Variants in GOLGA5 observed in about 807,000 individuals in gnomAD.
GOLGA5 encodes golgin A5, also known as golgin subfamily A member 5.
In GOLGA5, 50 loss-of-function variants were observed where a neutral mutation model predicts 93.5. The ratio of observed to expected loss-of-function variants is 0.53; its 90% CI spans 0.43 to 0.68. The LOEUF is 0.68. Ranked by LOEUF, GOLGA5 falls within the 30% of genes least tolerant of loss-of-function variation. The pLI is 0.00. For missense variants in GOLGA5, 760 were observed against 856.4 expected (o/e 0.89, Z 1.40); for synonymous variants, 312 against 304.5 (o/e 1.02, Z -0.26).
Position 92,808,104 on chromosome 14 carries a change from C to T in GOLGA5, c.772+1141C>T, listed in dbSNP as rs549797468. 2.3e-3 allele frequency among the ~76,000 whole-genome samples: 345 copies of T among 152,190 alleles called. 1 individual carries two copies. Among genetic ancestry groups the T allele is most frequent in the African/African-American group, 8.1e-3 (337 of 41,512 alleles). ...AAAAAATTAGCTGGGCATGGTGGCGCGTGCCTGTTATTCCAGCTACTCAGG... is the reference window on the plus strand; with the variant it reads ...AAAAAATTAGCTGGGCATGGTGGCGTGTGCCTGTTATTCCAGCTACTCAGG... On this transcript the variant is annotated intron_variant, in intron 3 of 12. Coordinates refer to ENST00000163416, the MANE Select transcript of GOLGA5 (RefSeq NM_005113.4).
chr14:92,811,224 C>T (rs1224558323), intron 5 of GOLGA5, among the ~76,000 whole-genome samples: 1 of 152,146 alleles, frequency 6.6e-6, no homozygotes, highest in Non-Finnish European at 1.5e-5. Flanking sequence ...GACCTAGTAT[C>T]CAAGTGACCA....
At chr14:92,802,732 A>G (rs1291851161) in intron 2 of GOLGA5, among the ~76,000 whole-genome samples, 3 of 130,620 alleles carry the variant, frequency 2.3e-5, no homozygotes, top group Non-Finnish European at 5.1e-5. Context: ...AAATCAATTT[A>G]TTTATTTTTA....
intron 11 of GOLGA5, among the ~76,000 whole-genome samples, chr14:92,835,955 TA>T (rs899689552): frequency 6.6e-5 from 10 of 152,136 alleles, no homozygotes; most frequent in African/African-American, 2.2e-4. Context: ...CTTTTTTCTA[TA>T]ATAAATTCTA....
At chr14:92,821,233 T>C (rs1453028320) in intron 8 of GOLGA5, among the ~76,000 whole-genome samples, 5 of 152,210 alleles carry the variant, frequency 3.3e-5, no homozygotes, top group Admixed American at 6.5e-5. Flanking sequence ...GTAAATATTA[T>C]TTAATAAAAA....
intron 10 of GOLGA5, among the ~76,000 whole-genome samples, chr14:92,833,775 T>G (rs1275136064): frequency 6.6e-6 from 1 of 152,158 alleles, no homozygotes; most frequent in African/African-American, 2.4e-5. Flanking sequence ...AATTAAAAAA[T>G]AATGTGTAAG....
intron 11 of GOLGA5, 67 bp from the exon 12 acceptor site, chr14:92,837,319 C>A: frequency 2.6e-6 from 2 of 775,800 alleles, no homozygotes; most frequent in Non-Finnish European, 4.4e-6. Flanking sequence ...TAGATATTAC[C>A]ACAGGAAGAT....
In GOLGA5 at chr14:92,837,427, G is replaced by A. The variant is rs749987297; in HGVS notation, c.2093G>A (p.Arg698Gln). 27 of 1,516,874 alleles carry A rather than the reference G, an allele frequency of 1.8e-5. No homozygotes were observed. The highest frequency in any genetic ancestry group is 1.5e-4 in the Admixed American group (9 of 59,640). 94.0% of individuals were successfully genotyped at this position (1,516,874 alleles called of 1,614,324 possible). A position where few individuals can be genotyped will look rare whatever the true frequency, so the allele number is the denominator to read the frequency against. The part of the protein sequence containing the change: ...GIFLRRYPIA[R>Q]VFVIIYMALL... ...TTTCTCCGAAGATACCCCATAGCGC[G>A]AGTTTTTGTAATTATATATATGGTA... Residue 698 changes from arginine to glutamine, a missense_variant, in exon 12 of 13, where the codon CGA (arginine) becomes CAA (glutamine). Transcript: ENST00000163416.
chr14:92,834,861 G>A (rs965379946), intron 10 of GOLGA5, among the ~76,000 whole-genome samples: 5 of 152,222 alleles, frequency 3.3e-5, no homozygotes, highest in Non-Finnish European at 7.3e-5. Context: ...AGGTGGGTGG[G>A]TAGCCATTGC....
intron 7 of GOLGA5, among the ~76,000 whole-genome samples, chr14:92,816,997 G>A (rs1248987469): frequency 2.0e-5 from 3 of 150,748 alleles, no homozygotes; most frequent in Non-Finnish European, 4.4e-5. Context: ...GTGCAGTGGC[G>A]TGATCTCGGC....
chr14:92,827,140 A>C (rs1423330973), intron 9 of GOLGA5, among the ~76,000 whole-genome samples: 2 of 152,196 alleles, frequency 1.3e-5, no homozygotes, highest in Non-Finnish European at 2.9e-5. Context: ...TAGGTAAAAG[A>C]CTTGAATAGA....
chr14:92,800,175 A>G (rs538117040), intron 2 of GOLGA5, among the ~76,000 whole-genome samples: 2 of 152,362 alleles, frequency 1.3e-5, no homozygotes, highest in Non-Finnish European at 2.9e-5. Context: ...GGAAGTGTCC[A>G]GTGGGTGAGC....
intron 2 of GOLGA5, among the ~76,000 whole-genome samples, chr14:92,799,086 G>C (rs1272180818): frequency 6.6e-6 from 1 of 152,020 alleles, no homozygotes; most frequent in Non-Finnish European, 1.5e-5. Context: ...TCCTGCCTCA[G>C]CCTCCTGAGT....
At chr14:92,828,709 C>G (rs529503904) in intron 9 of GOLGA5, among the ~76,000 whole-genome samples, 8 of 152,296 alleles carry the variant, frequency 5.3e-5, no homozygotes, top group Admixed American at 2.6e-4. Flanking sequence ...GATTCTGTTG[C>G]CCAGACTGGA....
chr14:92,817,987 T>C (rs1267066323), intron 7 of GOLGA5, among the ~76,000 whole-genome samples: 1 of 152,118 alleles, frequency 6.6e-6, no homozygotes, highest in Non-Finnish European at 1.5e-5. Flanking sequence ...TATTTCTGGG[T>C]TTATTGTTAT....
Position 92,797,858 on chromosome 14 carries a change from AGAAAG to A in GOLGA5, c.426_430del (p.Glu143ArgfsTer28). 1 of 1,613,952 alleles carries A rather than the reference AGAAAG, an allele frequency of 6.2e-7. No individual in the cohort carries two copies. Among genetic ancestry groups the A allele is most frequent in the Non-Finnish European group, 8.5e-7 (1 of 1,179,812 alleles). On this transcript the variant is annotated frameshift_variant, in exon 2 of 13. Transcript: ENST00000163416. LOFTEE classifies it high-confidence loss of function. The stretch of plus-strand genomic sequence containing the variant: ...GGAGCCTACCGGGAGGGTGGAAATC[AGAAAG>A]GAAAAAGGCAAGACACCTGTCTTTC...
At chr14:92,828,324 A>G (rs1200569394) in intron 9 of GOLGA5, among the ~76,000 whole-genome samples, 1 of 152,224 alleles carries the variant, frequency 6.6e-6, no homozygotes, top group Non-Finnish European at 1.5e-5. Context: ...TAAGACCCTT[A>G]AGAATGATGG....
intron 2 of GOLGA5, among the ~76,000 whole-genome samples, chr14:92,802,339 T>G (rs567833614): frequency 6.6e-6 from 1 of 152,258 alleles, no homozygotes; most frequent in African/African-American, 2.4e-5. Flanking sequence ...TTTTTTGTTG[T>G]TTTTTTGTGT....
At chr14:92,839,325 G>A (rs760245527) in intron 12 of GOLGA5, 41 bp from the exon 13 acceptor site, 2 of 1,340,802 alleles carry the variant, frequency 1.5e-6, no homozygotes, top group Non-Finnish European at 2.1e-6. Flanking sequence ...GGTAAAAATT[G>A]GTTTATTGGC....
At chr14:92,803,707 C>T (rs903860738) in intron 2 of GOLGA5, among the ~76,000 whole-genome samples, 10 of 152,114 alleles carry the variant, frequency 6.6e-5, no homozygotes, top group Admixed American at 2.6e-4. Flanking sequence ...AAACTTTCAA[C>T]GCAACCAAAC....
Sources: allele counts gnomAD v4.1 joint callset (sites outside exome capture counted in the v4.1 genomes callset), GRCh38; gene constraint gnomAD v4.1.1; transcripts MANE v1.5; gene names NCBI Gene and HGNC (gene_info 2026-07-23, HGNC 2026-07-21).